Variants in TLK2 observed in about 807,000 individuals in gnomAD.
TLK2 encodes tousled like kinase 2.
Under a neutral mutation model 117.3 loss-of-function variants are expected in TLK2, and 6 were observed. That is an observed-to-expected ratio of 0.05 (90% CI 0.03 to 0.10). The LOEUF (loss-of-function observed/expected upper bound fraction) is 0.10, where lower values mean the gene tolerates loss of function less well. Ranked by LOEUF, TLK2 falls within the 10% of genes least tolerant of loss-of-function variation. The pLI, the probability that TLK2 is intolerant of heterozygous loss-of-function variation, is 1.00. For missense variants in TLK2, 299 were observed against 901.2 expected, an observed-to-expected ratio of 0.33 and a Z score of 8.56; for synonymous variants, 257 against 316.7, an observed-to-expected ratio of 0.81 and a Z score of 2.00.
chr17:62,475,098 C>T (rs1208917084), upstream of TLK2, among the ~76,000 whole-genome samples: 2 of 152,126 alleles, frequency 1.3e-5, no homozygotes, highest in African/African-American at 4.8e-5. Flanking sequence ...AACGTTTTTC[C>T]ATTTTGTTAG....
At chr17:62,592,252 C>A (rs1033171324) in intron 16 of TLK2, among the ~76,000 whole-genome samples, 2 of 152,176 alleles carry the variant, frequency 1.3e-5, no homozygotes, top group African/African-American at 4.8e-5. Context: ...AGCCACTGCG[C>A]CCGGCCAGAA....
chr17:62,527,962 C>T (rs1160549622), intron 6 of TLK2, among the ~76,000 whole-genome samples: 4 of 152,052 alleles, frequency 2.6e-5, no homozygotes, highest in African/African-American at 9.7e-5. Context: ...AGGATGGTCT[C>T]GATCTCTTGA....
At chr17:62,593,466 G>A (rs1017867854) in intron 16 of TLK2, among the ~76,000 whole-genome samples, 5 of 151,734 alleles carry the variant, frequency 3.3e-5, no homozygotes, top group African/African-American at 7.3e-5. Context: ...CACATTGTAC[G>A]GTTGTATGAA....
At chr17:62,561,587 A>C (rs910320145) in intron 10 of TLK2, among the ~76,000 whole-genome samples, 1 of 152,220 alleles carries the variant, frequency 6.6e-6, no homozygotes, top group Non-Finnish European at 1.5e-5. Flanking sequence ...TTTGAGATAT[A>C]CTGGAGATTT....
upstream of TLK2, among the ~76,000 whole-genome samples, chr17:62,478,555 G>GCCGCCCGTCGC (rs1203950473): frequency 6.7e-6 from 1 of 150,090 alleles, no homozygotes; most frequent in East Asian, 2.0e-4. Context: ...GTCAGCCGGC[G>GCCGCCCGTCGC]CCGCCCGTCG....
chr17:62,572,994 A>C, intron 11 of TLK2: 1 of 474,944 alleles, frequency 2.1e-6, no homozygotes, highest in Non-Finnish European at 3.8e-6. Context: ...CACTCTGAAA[A>C]TAGTAATAAC....
At chr17:62,523,520 C>A (rs1356276271) in intron 5 of TLK2, among the ~76,000 whole-genome samples, 2 of 152,184 alleles carry the variant, frequency 1.3e-5, no homozygotes, top group African/African-American at 4.8e-5. Flanking sequence ...GTCGAGGCTG[C>A]AGTGAGCCAT....
intron 11 of TLK2, among the ~76,000 whole-genome samples, chr17:62,569,520 C>T (rs1434363646): frequency 6.8e-6 from 1 of 146,696 alleles, no homozygotes; most frequent in Non-Finnish European, 1.5e-5. Flanking sequence ...ACTGCAACCC[C>T]TGCCCCCTGG....
chr17:62,472,185 C>T (rs923622338), intron 1 of TLK2, among the ~76,000 whole-genome samples: 8 of 151,646 alleles, frequency 5.3e-5, no homozygotes, highest in Non-Finnish European at 7.4e-5. Flanking sequence ...GGATTACAGG[C>T]GTGAGCCACC....
intron 20 of TLK2, among the ~76,000 whole-genome samples, chr17:62,606,778 C>T (rs1374918806): frequency 1.3e-5 from 2 of 152,148 alleles, no homozygotes; most frequent in African/African-American, 4.8e-5. Flanking sequence ...TGAATTGTCA[C>T]ATTTGTTTTT....
intron 2 of TLK2, among the ~76,000 whole-genome samples, chr17:62,482,100 C>CA (rs201379824): frequency 0.033 from 5,057 of 152,010 alleles, 156 homozygotes; most frequent in Non-Finnish European, 0.047. Flanking sequence ...AGGTGCCCGC[C>CA]ACCACGCCCA....
At position 62,602,079 on chromosome 17, in the gene TLK2, G is replaced by A. The variant is rs765984672; in HGVS notation, c.1758G>A (p.Glu586=). Residue 586 remains glutamate (E), a synonymous_variant, in exon 19 of 22, where the codon GAG becomes GAA. Transcript: ENST00000346027. The part of the protein sequence containing the change: ...ILLVNGTACG[E]IKITDFGLSK... ...TAGTAAATGGTACAGCGTGTGGAGA[G>A]ATAAAAATTACAGATTTTGGTCTTT... 6 of 1,613,066 alleles carry A rather than the reference G, an allele frequency of 3.7e-6. No individual in the cohort carries two copies. The highest frequency in any genetic ancestry group is 5.1e-6 in the Non-Finnish European group (6 of 1,179,744).
At chr17:62,526,988 T>A (rs904006837) in intron 6 of TLK2, among the ~76,000 whole-genome samples, 9 of 152,236 alleles carry the variant, frequency 5.9e-5, no homozygotes, top group Non-Finnish European at 1.2e-4. Flanking sequence ...CTGCGTGATC[T>A]GTGCTTCCCA....
chr17:62,475,138 T>C (rs1478628528), upstream of TLK2, among the ~76,000 whole-genome samples: 1 of 152,154 alleles, frequency 6.6e-6, no homozygotes, highest in Admixed American at 6.5e-5. Context: ...AATAACTGGC[T>C]AAGTAACTAC....
At chr17:62,474,569 C>G (rs1320069011), upstream of TLK2, among the ~76,000 whole-genome samples, 2 of 151,352 alleles carry the variant, frequency 1.3e-5, no homozygotes, top group Non-Finnish European at 2.9e-5. Context: ...GCCACCACAC[C>G]CGGCTAATTT....
intron 2 of TLK2, among the ~76,000 whole-genome samples, chr17:62,494,756 G>A (rs2073474022): frequency 6.6e-6 from 1 of 152,208 alleles, no homozygotes; most frequent in Admixed American, 6.5e-5. Context: ...CAGGGACTCA[G>A]ATGCCTATGG....
intron 2 of TLK2, among the ~76,000 whole-genome samples, chr17:62,514,791 C>T (rs2075437650): frequency 2.0e-5 from 3 of 152,104 alleles, no homozygotes; most frequent in Admixed American, 2.0e-4. Context: ...GTTGGCCATG[C>T]TTCTCTCAAA....
intron 2 of TLK2, among the ~76,000 whole-genome samples, chr17:62,490,917 TA>T (rs1440994970): frequency 1.3e-5 from 2 of 152,202 alleles, no homozygotes; most frequent in Non-Finnish European, 2.9e-5. Flanking sequence ...TTTTAAATTT[TA>T]ACTTTTAGCG....
intron 2 of TLK2, among the ~76,000 whole-genome samples, chr17:62,486,247 C>G (rs2072364567): frequency 1.3e-5 from 2 of 152,190 alleles, no homozygotes; most frequent in East Asian, 3.9e-4. Context: ...GCCTCTGCCT[C>G]CCAGGTTCAA....
Sources: gnomAD v4.1 joint callset for allele counts (sites outside exome capture counted in the v4.1 genomes callset) on GRCh38, gnomAD v4.1.1 for gene constraint, MANE v1.5 for transcripts, NCBI Gene and HGNC (gene_info 2026-07-23, HGNC 2026-07-21) for gene names.